ADGRL2: variants seen among roughly 807,000 people sequenced by gnomAD.
The protein encoded by ADGRL2 is adhesion G protein-coupled receptor L2.
In ADGRL2, 44 loss-of-function variants were observed where a neutral mutation model predicts 157.4. The observed-to-expected ratio is 0.28, with a 90% CI of 0.22 to 0.36. The LOEUF (loss-of-function observed/expected upper bound fraction) is 0.36, where lower values mean the gene tolerates loss of function less well. Among genes scored for constraint, ADGRL2 ranks in the 10% least tolerant of loss-of-function variants. The probability of loss-of-function intolerance (pLI) is 1.00; values close to 1 mark genes in which losing one functional copy is unlikely to be tolerated. For synonymous variants in ADGRL2, 585 were observed against 624.7 expected, an observed-to-expected ratio of 0.94 and a Z score of 0.95; for missense variants, 1,510 against 1,768.9, an observed-to-expected ratio of 0.85 and a Z score of 2.63.
intron 3 of ADGRL2, among the ~76,000 whole-genome samples, chr1:81,600,049 C>A (rs116819797): frequency 2.0e-5 from 3 of 152,136 alleles, no homozygotes; most frequent in Admixed American, 6.6e-5. Flanking sequence ...TATTTACATG[C>A]CTTTTTAGTT....
chr1:81,990,552 A>G lies in ADGRL2; in HGVS notation c.3817A>G (p.Ile1273Val), dbSNP rs769048815. 1 of 1,614,100 alleles carries G rather than the reference A, an allele frequency of 6.2e-7. No homozygotes were observed. The highest frequency in any genetic ancestry group is 1.3e-5 in the African/African-American group (1 of 75,026). Residue 1273 changes from isoleucine (I) to valine (V), a missense_variant, in exon 24 of 24, where the codon ATC becomes GTC. Physicochemically the swap from Ile to Val is conservative, Grantham distance 29. This residue lies in a region of ADGRL2 where 327 missense variants were observed against 310.1 expected (regional missense o/e 1.05). Transcript: ENST00000686636. Reference protein sequence around the residue: ...SLNDTAFEKMIISELVHNNLR... With the variant: ...SLNDTAFEKMVISELVHNNLR... Reference sequence around the variant, plus strand: ...GAATGATACTGCTTTTGAGAAAATGATCATTTCAGAATTAGTGCACAACAA... The same window carrying G: ...GAATGATACTGCTTTTGAGAAAATGGTCATTTCAGAATTAGTGCACAACAA...
chr1:81,331,214 C>T (rs909376897), intron 1 of ADGRL2, among the ~76,000 whole-genome samples: 3 of 152,034 alleles, frequency 2.0e-5, no homozygotes, highest in African/African-American at 7.2e-5. Flanking sequence ...AAACATCAGA[C>T]AGTATGAAAT....
chr1:81,559,346 T>A (rs1291247464), intron 2 of ADGRL2, among the ~76,000 whole-genome samples: 1 of 152,052 alleles, frequency 6.6e-6, no homozygotes, highest in Non-Finnish European at 1.5e-5. Context: ...TTAGTGTCAA[T>A]TGTGATGGAT....
intron 2 of ADGRL2, among the ~76,000 whole-genome samples, chr1:81,466,077 T>C (rs2078045980): frequency 6.6e-6 from 1 of 152,206 alleles, no homozygotes; most frequent in Non-Finnish European, 1.5e-5. Context: ...AGAGAAGTAT[T>C]GTAAAGTAAT....
At chr1:81,561,873 T>C (rs920850529) in intron 2 of ADGRL2, among the ~76,000 whole-genome samples, 3 of 152,176 alleles carry the variant, frequency 2.0e-5, no homozygotes, top group Non-Finnish European at 2.9e-5. Flanking sequence ...AGAACAAACA[T>C]ACAAAGCTTA....
chr1:81,740,852 C>T (rs961937393), intron 1 of ADGRL2, among the ~76,000 whole-genome samples: 9 of 151,898 alleles, frequency 5.9e-5, no homozygotes, highest in African/African-American at 2.2e-4. Context: ...GAGATTCAGA[C>T]CTCAAAGAAA....
At chr1:81,720,351 G>C (rs1374796682) in intron 1 of ADGRL2, among the ~76,000 whole-genome samples, 1 of 151,888 alleles carries the variant, frequency 6.6e-6, no homozygotes, top group Non-Finnish European at 1.5e-5. Context: ...TGTATTTTTA[G>C]TAGTGACGGG....
chr1:81,333,235 C>T (rs537782917), intron 1 of ADGRL2, among the ~76,000 whole-genome samples: 1 of 152,172 alleles, frequency 6.6e-6, no homozygotes, highest in Admixed American at 6.5e-5. Flanking sequence ...CCGACCTGGG[C>T]TTCTATCCTA....
intron 1 of ADGRL2, among the ~76,000 whole-genome samples, chr1:81,738,568 C>T (rs1571018105): frequency 2.0e-5 from 3 of 152,306 alleles, no homozygotes; most frequent in Admixed American, 2.0e-4. Context: ...AGCAGACAGC[C>T]TGGGCACAAA....
intron 1 of ADGRL2, among the ~76,000 whole-genome samples, chr1:81,364,836 A>G (rs1041395215): frequency 7.3e-5 from 11 of 151,490 alleles, no homozygotes; most frequent in African/African-American, 2.4e-4. Context: ...GCGAATTTTT[A>G]TATTTTTAGT....
intron 6 of ADGRL2, among the ~76,000 whole-genome samples, chr1:81,945,161 T>G (rs1649391128): frequency 6.6e-6 from 1 of 152,088 alleles, no homozygotes; most frequent in Non-Finnish European, 1.5e-5. Context: ...TAAAAATGTA[T>G]ACATATGTTT....
chr1:81,974,742 C>G (rs1305251769), intron 17 of ADGRL2, among the ~76,000 whole-genome samples: 6 of 151,476 alleles, frequency 4.0e-5, no homozygotes, highest in Non-Finnish European at 7.4e-5. Context: ...GACCATAAAA[C>G]AAACTGTGCA....
chr1:81,517,731 C>T (rs1437863478), intron 2 of ADGRL2, among the ~76,000 whole-genome samples: 1 of 152,170 alleles, frequency 6.6e-6, no homozygotes, highest in Non-Finnish European at 1.5e-5. Context: ...TGGGCACTTG[C>T]TTTTCTAAAG....
chr1:81,513,520 C>A (rs1426446527), intron 2 of ADGRL2, among the ~76,000 whole-genome samples: 1 of 152,072 alleles, frequency 6.6e-6, no homozygotes, highest in African/African-American at 2.4e-5. Context: ...TGAAATGGCT[C>A]AGTGAGGGAA....
At position 81,981,877 on chromosome 1, in the gene ADGRL2, T is replaced by C. The variant is rs1661770579; in HGVS notation, c.3183T>C (p.Phe1061=). 1.2e-6 allele frequency: 2 copies of C among 1,612,582 alleles called. No homozygotes were observed. The highest frequency in any genetic ancestry group is 2.7e-5 in the African/African-American group (2 of 74,902). The change falls in exon 19 of 24, where the codon TTT becomes TTC. Residue 1061 remains phenylalanine (F), a synonymous_variant. Transcript: ENST00000686636. Reference sequence around the variant, plus strand: ...TCACCTGGTCCTTTGGGTTGCTTTTTATTAATGAGGAGACTATTGTGATGG... The same window carrying C: ...TCACCTGGTCCTTTGGGTTGCTTTTCATTAATGAGGAGACTATTGTGATGG... The part of the protein sequence containing the change: ...LGLTWSFGLL[F]INEETIVMAY...
chr1:81,558,785 C>G (rs773384081), intron 2 of ADGRL2, among the ~76,000 whole-genome samples: 3 of 152,130 alleles, frequency 2.0e-5, no homozygotes, highest in Non-Finnish European at 4.4e-5. Flanking sequence ...ATTCCCCTTT[C>G]TAAGGCACTG....
chr1:81,867,404 G>A (rs1404919222), intron 2 of ADGRL2, among the ~76,000 whole-genome samples: 3 of 152,198 alleles, frequency 2.0e-5, no homozygotes, highest in Admixed American at 6.5e-5. Context: ...GACTGCTGTT[G>A]CTATGTGCTC....
At position 81,668,659 on chromosome 1, in the gene ADGRL2, T is replaced by G. The variant is rs374651742; in HGVS notation, c.-143+87679T>G. Among the ~76,000 whole-genome samples the G allele has an allele frequency of 2.6e-5, 4 of 151,844 alleles. No individual in the cohort carries two copies. The East Asian group carries it at 5.8e-4, about 22-fold the overall frequency. On this transcript the variant is annotated intron_variant, in intron 3 of 24. Transcript: ENST00000370721. ...GCTCACTGCAACCTCTGCCTCTGAG[T>G]TCAAGAGATTCTCCTACCTCAGCCT...
chr1:81,557,499 A>AAGAAAGAAAG (rs1557459124), intron 2 of ADGRL2: 1 of 111,272 alleles, frequency 9.0e-6, no homozygotes, highest in Non-Finnish European at 1.6e-5. Flanking sequence ...GAAAGAAAGA[A>AAGAAAGAAAG]AGAAAGAAAG....
Sources: allele counts gnomAD v4.1 joint callset (sites outside exome capture counted in the v4.1 genomes callset), GRCh38; gene constraint gnomAD v4.1.1; regional missense constraint gnomAD v4.1.1; transcripts MANE v1.5; gene names NCBI Gene and HGNC (gene_info 2026-07-23, HGNC 2026-07-21).